The following CCDC187 variants were observed in gnomAD, a reference collection of about 807,000 sequenced individuals.
The protein encoded by CCDC187 is coiled-coil domain-containing protein 187.
CCDC187 carries 32 observed loss-of-function variants against 38.0 expected under a neutral mutation model. The observed-to-expected ratio is 0.84, with a 90% confidence interval of 0.64 to 1.13. The LOEUF (loss-of-function observed/expected upper bound fraction) is 1.13, where lower values mean the gene tolerates loss of function less well. Among genes scored for constraint, CCDC187 ranks in the 50% most tolerant of loss-of-function variants. The probability of loss-of-function intolerance (pLI) is 0.00; values close to 1 mark genes in which losing one functional copy is unlikely to be tolerated. For synonymous variants in CCDC187, 333 were observed against 347.9 expected, an observed-to-expected ratio of 0.96 and a Z score of 0.48; for missense variants, 707 against 786.8, an observed-to-expected ratio of 0.90 and a Z score of 1.21.
rs1397007125 is a variant in CCDC187, at chr9:136,251,224, G to A, written c.*2370C>T. 5.9e-6 allele frequency: 2 copies of A among 341,506 alleles called. No homozygotes were observed. Among genetic ancestry groups the A allele is most frequent in the East Asian group, 1.5e-4 (2 of 12,926 alleles). 21.2% of individuals were successfully genotyped at this position (341,506 alleles called of 1,614,324 possible). On this transcript the variant is annotated 3_prime_UTR_variant, in exon 26 of 26. Transcript: ENST00000638797. The stretch of plus-strand genomic sequence containing the variant: ...TCAAAAGGGTCCCAGAGAAATTACA[G>A]GGGTCCCAGTGAATCCTCTGGAAGC...
At chr9:136,267,622 C>T (rs1830770352) in intron 15 of CCDC187, 111 bp from the exon 16 acceptor site, 2 of 985,112 alleles carry the variant, frequency 2.0e-6, no homozygotes, top group Non-Finnish European at 1.2e-6. Context: ...AGACCGCTCC[C>T]AGCACAGGCC....
intron 14 of CCDC187, among the ~76,000 whole-genome samples, chr9:136,274,447 C>G (rs191724914): frequency 3.7e-4 from 57 of 152,386 alleles, no homozygotes; most frequent in Admixed American, 2.9e-3. Context: ...ATGCCAGGGG[C>G]TAGGGCTGCC....
At chr9:136,291,995 C>T (rs1167503542) in intron 5 of CCDC187, among the ~76,000 whole-genome samples, 166 bp downstream of exon 5, 1 of 152,222 alleles carries the variant, frequency 6.6e-6, no homozygotes, top group Non-Finnish European at 1.5e-5. Flanking sequence ...TGCCCAAAGT[C>T]CCCAGTTGAA....
intron 16 of CCDC187, 122 bp downstream of exon 16, chr9:136,267,262 C>G: frequency 1.6e-6 from 1 of 624,882 alleles, no homozygotes; most frequent in Non-Finnish European, 2.0e-6. Context: ...TTTCTCAAAA[C>G]GCTGTCGGGG....
At position 136,286,174 on chromosome 9, in the gene CCDC187, A is replaced by T; in HGVS notation, c.2744T>A (p.Phe915Tyr). The T allele has an allele frequency of 2.5e-6, 1 of 398,438 alleles. No individual in the cohort carries two copies. 24.7% of individuals were successfully genotyped at this position (398,438 alleles called of 1,614,324 possible). A position where few individuals can be genotyped will look rare whatever the true frequency, so the allele number is the denominator to read the frequency against. Residue 915 changes from phenylalanine to tyrosine, a missense_variant, in exon 8 of 26, where the codon TTC becomes TAC. By Grantham distance (22) the Phe-to-Tyr change is conservative. Coordinates refer to ENST00000638797, the MANE Select transcript of CCDC187 (RefSeq NM_001378188.1). ...CCACGACAGTGTCTCGCCGTCCAGG[A>T]AGTAGGTCGGGGGCAGAAGGGGCTG... ...QPQPLLPPTY[F>Y]LDGETLSWGP...
intron 8 of CCDC187, among the ~76,000 whole-genome samples, chr9:136,285,860 C>T (rs1393872692): frequency 1.3e-5 from 2 of 152,348 alleles, no homozygotes; most frequent in Non-Finnish European, 1.5e-5. Context: ...CCATGTGCCA[C>T]ACAGGAGAGC....
rs1398487689 is a variant in CCDC187 at position 136,253,904 on chromosome 9, G to C, written c.5924C>G (p.Ala1975Gly). 1 of 927,410 alleles carries C rather than the reference G, an allele frequency of 1.1e-6. No homozygotes were observed. The highest frequency in any genetic ancestry group is 1.3e-6 in the Non-Finnish European group (1 of 777,372). 57.4% of individuals were successfully genotyped at this position (927,410 alleles called of 1,614,324 possible). A position where few individuals can be genotyped will look rare whatever the true frequency, so the allele number is the denominator to read the frequency against. Residue 1975 changes from alanine to glycine, a missense_variant, in exon 26 of 26, where the codon GCC becomes GGC. Coordinates refer to ENST00000638797, the MANE Select transcript of CCDC187 (RefSeq NM_001378188.1). ...GNGAPTVLEEACPLLAGDVLT... is the reference protein window; with the variant it reads ...GNGAPTVLEEGCPLLAGDVLT... ...GACGTCACCGGCAAGTAGGGGACAG[G>C]CTTCCTCCAGGACAGTGGGGGCCCC...
chr9:136,297,319 A>G (rs1024808964), intron 4 of CCDC187, among the ~76,000 whole-genome samples: 2 of 150,446 alleles, frequency 1.3e-5, no homozygotes, highest in Non-Finnish European at 3.0e-5. Context: ...TGTGAGCTGC[A>G]GGTGGTGTGA....
At chr9:136,256,173 C>G in intron 24 of CCDC187, 38 bp downstream of exon 24, 1 of 971,216 alleles carries the variant, frequency 1.0e-6, no homozygotes. Flanking sequence ...CTCCGTGCCT[C>G]ACGCTCCACC....
chr9:136,293,552 CTCACACACTG>C (rs1831435789), intron 4 of CCDC187, among the ~76,000 whole-genome samples: 1 of 152,044 alleles, frequency 6.6e-6, no homozygotes, highest in Non-Finnish European at 1.5e-5. Flanking sequence ...CACTGACATG[CTCACACACTG>C]TCACACACGT....
intron 10 of CCDC187, among the ~76,000 whole-genome samples, chr9:136,279,271 G>A (rs1376015581): frequency 1.3e-5 from 2 of 152,158 alleles, no homozygotes; most frequent in Non-Finnish European, 2.9e-5. Flanking sequence ...GGGTTTCACT[G>A]GACAGCTCTG....
At chr9:136,283,810 C>T (rs1328872895) in intron 9 of CCDC187, among the ~76,000 whole-genome samples, 4 of 152,334 alleles carry the variant, frequency 2.6e-5, no homozygotes, top group South Asian at 4.1e-4. Flanking sequence ...ATTCTCACTG[C>T]CTCCGCCTCT....
At chr9:136,280,468 C>T (rs1019639208) in intron 10 of CCDC187, among the ~76,000 whole-genome samples, 3 of 152,142 alleles carry the variant, frequency 2.0e-5, no homozygotes, top group Admixed American at 6.5e-5. Flanking sequence ...GGTGTGAGCC[C>T]GACAAGCCCT....
Position 136,257,630 on chromosome 9 carries a change from C to T in CCDC187, c.4367-789G>A, listed in dbSNP as rs1261423779. On this transcript the variant is annotated intron_variant, in intron 22 of 25. Coordinates refer to ENST00000638797, the MANE Select transcript of CCDC187 (RefSeq NM_001378188.1). This position sits in a 1 kb window ranked among gnomAD's most constrained non-coding sequence, Gnocchi z 4.5. Reference sequence around the variant, plus strand: ...CAGAGCCCTCCCCAGGAGCACCAGGCCCCCCAGCATTGCACCTCCATCTCC... The same window carrying T: ...CAGAGCCCTCCCCAGGAGCACCAGGTCCCCCAGCATTGCACCTCCATCTCC... 1.3e-5 allele frequency among the ~76,000 whole-genome samples: 2 copies of T among 151,860 alleles called. No individual in the cohort carries two copies. Among genetic ancestry groups the T allele is most frequent in the Admixed American group, 6.5e-5 (1 of 15,280 alleles).
intron 4 of CCDC187, among the ~76,000 whole-genome samples, chr9:136,293,907 C>A (rs922589252): frequency 1.1e-4 from 17 of 151,568 alleles, no homozygotes; most frequent in African/African-American, 3.9e-4. Context: ...CACACACACT[C>A]ATACACTCAT....
At chr9:136,281,463 C>G (rs895896657) in intron 10 of CCDC187, 88 bp downstream of exon 10, 10,334 of 398,430 alleles carry the variant, frequency 0.026, 180 homozygotes, top group Non-Finnish European at 0.03. Flanking sequence ...GGGCCAAGCT[C>G]GAGTGCTAGG....
At chr9:136,297,564 C>T (rs1832709386) in intron 4 of CCDC187, 150 bp downstream of exon 4, 4 of 387,106 alleles carry the variant, frequency 1.0e-5, no homozygotes, top group East Asian at 3.7e-5. Flanking sequence ...CCGGGCCTGC[C>T]GATCCCAGGT....
At chr9:136,269,315 C>T (rs1830801319) in intron 14 of CCDC187, among the ~76,000 whole-genome samples, 2 of 152,194 alleles carry the variant, frequency 1.3e-5, no homozygotes, top group African/African-American at 4.8e-5. Flanking sequence ...CTGAAAGGAC[C>T]AAATTACTTC....
In CCDC187 at chr9:136,291,208, G is replaced by A. The variant is rs903357745; in HGVS notation, c.1405C>T (p.Gln469Ter). 8.0e-5 allele frequency: 32 copies of A among 398,736 alleles called. No individual in the cohort carries two copies. The highest frequency in any genetic ancestry group is 5.9e-4 in the African/African-American group (29 of 48,742). The allele number at this position is 398,736 out of a possible 1,614,324, so 24.7% of individuals were successfully genotyped here. Residue 469 changes from glutamine (Q) to a stop codon, truncating the protein, a stop_gained, in exon 6 of 26, where the codon CAG becomes TAG. Coordinates refer to ENST00000638797, the MANE Select transcript of CCDC187 (RefSeq NM_001378188.1). LOFTEE classifies it high-confidence loss of function. ...TCCGGCCTCTGGAAGGAGCGGTCCT[G>A]TCCTTGGGCCCCCCAGGCCCTCTGC... Reference protein sequence around the residue: ...CPQRAWGAQGQDRSFQRPESP... With the variant: ...CPQRAWGAQG
Sources: gnomAD v4.1 joint callset for allele counts (sites outside exome capture counted in the v4.1 genomes callset) on GRCh38, gnomAD v4.1.1 for gene constraint, Gnocchi (gnomAD v3.1) non-coding constraint, MANE v1.5 for transcripts, NCBI Gene and HGNC (gene_info 2026-07-23, HGNC 2026-07-21) for gene names.